Variants in XPOT observed in about 807,000 individuals in gnomAD.
The protein encoded by XPOT is exportin-T.
A neutral mutation model predicts 128.2 loss-of-function variants in XPOT; 34 were observed. The ratio of observed to expected loss-of-function variants is 0.27; its 90% CI spans 0.20 to 0.35. XPOT has a LOEUF of 0.35. Among genes scored for constraint, XPOT ranks in the 10% least tolerant of loss-of-function variants. The pLI is 1.00. For missense variants in XPOT, 838 were observed against 1,125.3 expected (o/e 0.74, Z 3.65); for synonymous variants, 348 against 394.3 (o/e 0.88, Z 1.39).
intron 5 of XPOT, 102 bp from the exon 6 acceptor site, chr12:64,418,774 A>G: frequency 2.2e-6 from 2 of 910,112 alleles, no homozygotes. Flanking sequence ...TATCTGGGCC[A>G]TGTTGACATT....
At chr12:64,405,701 C>T (rs1208433569) in intron 1 of XPOT, among the ~76,000 whole-genome samples, 1 of 152,210 alleles carries the variant, frequency 6.6e-6, no homozygotes, top group East Asian at 1.9e-4. Flanking sequence ...TCACTGCAAC[C>T]TCTGCCTCCC....
intron 15 of XPOT, among the ~76,000 whole-genome samples, chr12:64,427,730 C>G (rs1276318531): frequency 6.6e-6 from 1 of 152,116 alleles, no homozygotes; most frequent in African/African-American, 2.4e-5. Context: ...TTAGCTCAGT[C>G]TTCCCACCTC....
intron 15 of XPOT, 98 bp downstream of exon 15, chr12:64,426,007 T>C: frequency 1.8e-6 from 2 of 1,113,562 alleles, no homozygotes; most frequent in Non-Finnish European, 2.7e-6. Context: ...TAGGTGCCCA[T>C]CAGTGGTGGA....
chr12:64,407,626 T>C (rs1162530672), intron 1 of XPOT, among the ~76,000 whole-genome samples: 4 of 152,124 alleles, frequency 2.6e-5, no homozygotes, highest in African/African-American at 7.2e-5. Context: ...AGATGGCTTC[T>C]AAGTTGAATT....
intron 12 of XPOT, 32 bp downstream of exon 12, chr12:64,424,755 ACTT>A (rs773296197): frequency 6.2e-7 from 1 of 1,609,174 alleles, no homozygotes; most frequent in Non-Finnish European, 8.5e-7. Context: ...TAACAAGCCT[ACTT>A]CTTTCTTTTG....
intron 21 of XPOT, 147 bp from the exon 22 acceptor site, chr12:64,435,480 C>A: frequency 1.8e-6 from 1 of 558,516 alleles, no homozygotes; most frequent in Non-Finnish European, 2.8e-6. Context: ...TGTTACCTTT[C>A]CTTCCTCTAT....
intron 9 of XPOT, 93 bp from the exon 10 acceptor site, chr12:64,422,912 A>T: frequency 1.5e-6 from 2 of 1,360,286 alleles, no homozygotes; most frequent in Non-Finnish European, 2.0e-6. Context: ...CAAAAAAAAA[A>T]AAAAAAACCA....
Position 64,431,738 on chromosome 12 carries a change from C to A in XPOT, c.2177C>A (p.Ala726Asp). The A allele has an allele frequency of 6.2e-7, 1 of 1,614,080 alleles. No individual in the cohort carries two copies. Among genetic ancestry groups the A allele is most frequent in the African/African-American group, 1.3e-5 (1 of 75,026 alleles). The change falls in exon 18 of 25, where the codon GCT (alanine) becomes GAT (aspartate). Residue 726 changes from alanine (A) to aspartate (D), a missense_variant. Ala to Asp is a moderately radical substitution (Grantham distance 126, BLOSUM62 -2). Transcript: ENST00000332707. ...EEEVLPFIPS[A>D]SEHMLKDCEA... ...GAAGTTCTTCCGTTCATTCCATCTG[C>A]TTCAGAACATATGCTCAAAGATTGT...
intron 14 of XPOT, 40 bp downstream of exon 14, chr12:64,425,497 G>C: frequency 6.2e-7 from 1 of 1,606,750 alleles, no homozygotes; most frequent in Non-Finnish European, 8.5e-7. Flanking sequence ...ATGGGTTTCA[G>C]CTAATGACTT....
intron 2 of XPOT, 25 bp from the exon 3 acceptor site, chr12:64,414,882 A>G (rs768912800): frequency 6.6e-7 from 1 of 1,512,944 alleles, no homozygotes; most frequent in South Asian, 1.1e-5. Context: ...TTCTAAATGC[A>G]TTTTTTTGTT....
intron 22 of XPOT, among the ~76,000 whole-genome samples, chr12:64,438,628 ATTTT>A (rs1186531452): frequency 7.1e-6 from 1 of 140,694 alleles, no homozygotes. Context: ...AGATACATTG[ATTTT>A]TTTTTTTTTT....
Position 64,433,525 on chromosome 12 carries a change from C to G in XPOT, c.2374C>G (p.Gln792Glu), listed in dbSNP as rs780788277. 1 of 1,613,190 alleles carries G rather than the reference C, an allele frequency of 6.2e-7. No individual in the cohort carries two copies. Among genetic ancestry groups the G allele is most frequent in the Non-Finnish European group, 8.5e-7 (1 of 1,179,450 alleles). ...TGACCAGTCTGCTGCTTTAGAGAAG[C>G]AGATGTTGCGGAGGAGTTACTTTGC... ...ENDQSAALEKQMLRRSYFAFL... is the reference protein window; with the variant it reads ...ENDQSAALEKEMLRRSYFAFL... Residue 792 changes from glutamine (Q) to glutamate (E), a missense_variant, in exon 19 of 25, where the codon CAG (glutamine) becomes GAG (glutamate). Gln to Glu is a conservative substitution (Grantham distance 29). Coordinates refer to ENST00000332707, the MANE Select transcript of XPOT (RefSeq NM_007235.6).
chr12:64,442,596 C>A (rs1374684801), intron 23 of XPOT: 1 of 152,338 alleles, frequency 6.6e-6, no homozygotes, highest in Non-Finnish European at 1.5e-5. Context: ...CCTTTAACTT[C>A]ACAGGTAGAT....
At position 64,423,010 on chromosome 12, in the gene XPOT, A is replaced by G. The variant is rs1180649105; in HGVS notation, c.1086A>G (p.Thr362=). The change falls in exon 10 of 25, where the codon ACA becomes ACG. Residue 362 remains threonine, a synonymous_variant. Transcript: ENST00000332707. ...YDYLHILKQL[T]VLSDQQKANV... The stretch of plus-strand genomic sequence containing the variant: ...TATTGCTTCCTTTTTAACAGCTTAC[A>G]GTGCTCTCGGATCAGCAAAAAGCTA... 7 of 1,613,188 alleles carry G rather than the reference A, an allele frequency of 4.3e-6. No homozygotes were observed. The highest frequency in any genetic ancestry group is 2.2e-5 in the South Asian group (2 of 90,878).
chr12:64,419,341 G>A lies in XPOT; in HGVS notation c.489+247G>A, dbSNP rs564755872. Among the ~76,000 whole-genome samples the A allele has an allele frequency of 6.2e-4, 94 of 151,858 alleles. 2 individuals are homozygous for A. In the South Asian group the frequency reaches 0.019, roughly 31 times the overall value. Reference sequence around the variant, plus strand: ...TTTTATTTTTTTACTTTTTTGAGACGGAGTCTTGCTCTGTTCCCCAGGCTG... The same window carrying A: ...TTTTATTTTTTTACTTTTTTGAGACAGAGTCTTGCTCTGTTCCCCAGGCTG... On this transcript the variant is annotated intron_variant, in intron 6 of 24. Coordinates refer to ENST00000332707, the MANE Select transcript of XPOT (RefSeq NM_007235.6).
intron 12 of XPOT, 125 bp downstream of exon 12, chr12:64,424,848 G>A: frequency 2.2e-6 from 3 of 1,374,882 alleles, no homozygotes; most frequent in Non-Finnish European, 3.0e-6. Flanking sequence ...GTGTATCTCT[G>A]GAAACAATGC....
In XPOT at chr12:64,439,280, C is replaced by T. The variant is rs201776165; in HGVS notation, c.2770C>T (p.Leu924=). ...ECVQYLQQEY[L]PSLQVAPEII... ...TGTTCAGTATCTTCAACAAGAATAC[C>T]TGCCCTCCTTGCAAGTAGCTCCAGA... Residue 924 remains leucine, a synonymous_variant, in exon 23 of 25, where the codon CTG becomes TTG. Coordinates refer to ENST00000332707, the MANE Select transcript of XPOT (RefSeq NM_007235.6). 2.0e-5 allele frequency: 33 copies of T among 1,614,052 alleles called. No homozygotes were observed. In the East Asian group the frequency reaches 7.4e-4, roughly 36 times the overall value.
chr12:64,415,984 A>C (rs1452676012), intron 3 of XPOT, among the ~76,000 whole-genome samples: 5 of 152,204 alleles, frequency 3.3e-5, no homozygotes, highest in Admixed American at 6.5e-5. Flanking sequence ...TAAAGCATTC[A>C]ACTAACTTTT....
chr12:64,419,230 T>C (rs2040116667), intron 6 of XPOT, 136 bp downstream of exon 6: 1 of 649,392 alleles, frequency 1.5e-6, no homozygotes, highest in Middle Eastern at 3.5e-4. Flanking sequence ...ATTTACCTGA[T>C]GTTTTGGATT....
Sources: allele counts gnomAD v4.1 joint callset (sites outside exome capture counted in the v4.1 genomes callset), GRCh38; gene constraint gnomAD v4.1.1; transcripts MANE v1.5; gene names NCBI Gene and HGNC (gene_info 2026-07-23, HGNC 2026-07-21).